Variants in SCAPER observed in about 807,000 individuals in gnomAD.
The protein encoded by SCAPER is S-phase cyclin A associated protein in the ER.
In SCAPER, 98 loss-of-function variants were observed where a neutral mutation model predicts 182.2. The observed-to-expected ratio is 0.54, with a 90% CI of 0.46 to 0.64. The LOEUF (loss-of-function observed/expected upper bound fraction) is 0.64, where lower values mean the gene tolerates loss of function less well. SCAPER is among the 30% of genes least tolerant of loss of function. The pLI is 0.00. For missense variants in SCAPER, 1,432 were observed against 1,690.0 expected (o/e 0.85, Z 2.68); for synonymous variants, 605 against 564.6 (o/e 1.07, Z -1.01).
chr15:76,672,543 A>G, intron 20 of SCAPER, among the ~76,000 whole-genome samples: 1 of 152,200 alleles, frequency 6.6e-6, no homozygotes, highest in African/African-American at 2.4e-5. Context: ...AACTCAAAAA[A>G]AGATTGCAAT....
chr15:76,657,217 T>C (rs1242352197), intron 21 of SCAPER, among the ~76,000 whole-genome samples: 1 of 152,072 alleles, frequency 6.6e-6, no homozygotes. Context: ...TAAGGGAACA[T>C]TAATACCAGC....
At chr15:76,879,203 T>A (rs2073376343) in intron 2 of SCAPER, among the ~76,000 whole-genome samples, 1 of 152,216 alleles carries the variant, frequency 6.6e-6, no homozygotes. Context: ...CACAGAATTC[T>A]TCCTTCTGTA....
intron 4 of SCAPER, among the ~76,000 whole-genome samples, chr15:76,850,859 C>CAAAAAA (rs59202490): frequency 1.1e-5 from 1 of 90,052 alleles, no homozygotes. Flanking sequence ...GACTCTGTCT[C>CAAAAAA]AAAAAAAAAA....
In SCAPER at chr15:76,705,998, G is replaced by A. The variant is rs1409558341; in HGVS notation, c.2166-14C>T. On this transcript the variant is annotated splice_polypyrimidine_tract_variant and intron_variant, in intron 17 of 31. Transcript: ENST00000563290. ...TCTTCCCTGTCTCTGTAAGAAGACA[G>A]TAAAAATTATAAACTCAACTGCTTA... 6.5e-7 allele frequency: 1 copy of A among 1,530,326 alleles called. No individual in the cohort carries two copies. The highest frequency in any genetic ancestry group is 8.8e-7 in the Non-Finnish European group (1 of 1,141,926). The allele number at this position is 1,530,326 out of a possible 1,614,324, so 94.8% of individuals were successfully genotyped here. A position where few individuals can be genotyped will look rare whatever the true frequency, so the allele number is the denominator to read the frequency against.
At chr15:76,448,333 T>C (rs1460888730) in intron 25 of SCAPER, among the ~76,000 whole-genome samples, 2 of 152,138 alleles carry the variant, frequency 1.3e-5, no homozygotes, top group Non-Finnish European at 2.9e-5. Flanking sequence ...AATAATCTAA[T>C]TGACTGCATA....
At chr15:76,797,652 T>G (rs929797260) in intron 7 of SCAPER, 1 of 152,190 alleles carries the variant, frequency 6.6e-6, no homozygotes, top group African/African-American at 2.4e-5. Flanking sequence ...AGGTGAGAAC[T>G]AAGAGATTTA....
In SCAPER at chr15:76,403,544, T is replaced by A. The variant is rs1239789903; in HGVS notation, c.3467+980A>T. Among the ~76,000 whole-genome samples the A allele has an allele frequency of 7.2e-5, 11 of 152,192 alleles. No homozygotes were observed. In the South Asian group the frequency reaches 2.1e-3, roughly 29 times the overall value. The stretch of plus-strand genomic sequence containing the variant: ...AGGATGTTCATTTTAGAATATAGTT[T>A]CCCCCTCTTAAAATGTTCTGAATAT... On this transcript the variant is annotated intron_variant, in intron 27 of 31. Transcript: ENST00000563290.
chr15:76,904,676 A>ATGC (rs1411383664), intron 1 of SCAPER: 1 of 152,330 alleles, frequency 6.6e-6, no homozygotes, highest in Non-Finnish European at 1.5e-5. Context: ...GCAGCAACAG[A>ATGC]GGCAGGAGGC....
chr15:76,755,260 T>G (rs997970832), intron 14 of SCAPER, among the ~76,000 whole-genome samples: 1 of 152,152 alleles, frequency 6.6e-6, no homozygotes, highest in African/African-American at 2.4e-5. Flanking sequence ...GCTTTTCATA[T>G]CAAATCTATT....
intron 13 of SCAPER, 89 bp from the exon 14 acceptor site, chr15:76,765,161 G>C: frequency 2.6e-6 from 3 of 1,132,086 alleles, no homozygotes; most frequent in Non-Finnish European, 3.7e-6. Flanking sequence ...AGTTCTTAAA[G>C]TATACAAAAC....
chr15:76,701,803 T>C lies in SCAPER; in HGVS notation c.2463A>G (p.Arg821=), dbSNP rs1467352835. ...VKGRKHQQAV[R]ENTSIQGREL... Reference sequence around the variant, plus strand: ...CACGCCCCTGGATGCTGGTATTCTCTCTCACGGCTTGCTGGTGTTTTCTCC... The same window carrying C: ...CACGCCCCTGGATGCTGGTATTCTCCCTCACGGCTTGCTGGTGTTTTCTCC... Residue 821 remains arginine (R), a synonymous_variant, in exon 20 of 32, where the codon AGA becomes AGG. Coordinates refer to ENST00000563290, the MANE Select transcript of SCAPER (RefSeq NM_020843.4). The C allele has an allele frequency of 6.2e-7, 1 of 1,613,906 alleles. No individual in the cohort carries two copies. Among genetic ancestry groups the C allele is most frequent in the East Asian group, 2.2e-5 (1 of 44,868 alleles).
chr15:76,853,104 T>C (rs1242829074), intron 4 of SCAPER, among the ~76,000 whole-genome samples: 1 of 152,094 alleles, frequency 6.6e-6, no homozygotes, highest in Non-Finnish European at 1.5e-5. Flanking sequence ...CCTGGACACA[T>C]ACTCCCTCCC....
chr15:76,872,729 G>C (rs1430016726), intron 2 of SCAPER, among the ~76,000 whole-genome samples: 1 of 151,396 alleles, frequency 6.6e-6, no homozygotes, highest in Non-Finnish European at 1.5e-5. Context: ...ATCTAGGTTT[G>C]CATGCAAATG....
intron 20 of SCAPER, among the ~76,000 whole-genome samples, chr15:76,682,086 A>G (rs533851556): frequency 1.3e-5 from 2 of 152,168 alleles, no homozygotes; most frequent in East Asian, 1.9e-4. Flanking sequence ...GGGGCTCTTC[A>G]TATGTTCTTT....
At chr15:76,895,938 G>A (rs1317431546) in intron 1 of SCAPER, among the ~76,000 whole-genome samples, 1 of 151,956 alleles carries the variant, frequency 6.6e-6, no homozygotes, top group Non-Finnish European at 1.5e-5. Flanking sequence ...TACTTGGGAA[G>A]CTGAGGCAGG....
chr15:76,535,350 T>G (rs284883), intron 23 of SCAPER, among the ~76,000 whole-genome samples: 2 of 151,152 alleles, frequency 1.3e-5, no homozygotes, highest in South Asian at 4.2e-4. Context: ...GGTGAGACCC[T>G]GTCTCTACTA....
intron 22 of SCAPER, among the ~76,000 whole-genome samples, chr15:76,620,789 G>C (rs2051964917): frequency 6.6e-6 from 1 of 151,966 alleles, no homozygotes; most frequent in Non-Finnish European, 1.5e-5. Flanking sequence ...CACTTATAAG[G>C]GGGAGTTGAA....
chr15:76,847,509 G>C (rs534586864), intron 4 of SCAPER, among the ~76,000 whole-genome samples: 1 of 152,124 alleles, frequency 6.6e-6, no homozygotes, highest in East Asian at 1.9e-4. Flanking sequence ...AATGTTTGAG[G>C]GGATGAATAC....
chr15:76,722,620 A>G (rs1224854769), intron 17 of SCAPER, among the ~76,000 whole-genome samples: 5 of 152,212 alleles, frequency 3.3e-5, no homozygotes, highest in African/African-American at 1.2e-4. Flanking sequence ...TTATTGGTCT[A>G]TTCAGAGATT....
Sources: gnomAD v4.1 joint callset for allele counts (sites outside exome capture counted in the v4.1 genomes callset) on GRCh38, gnomAD v4.1.1 for gene constraint, MANE v1.5 for transcripts, NCBI Gene and HGNC (gene_info 2026-07-23, HGNC 2026-07-21) for gene names.